PCSK5: variants seen among roughly 807,000 people sequenced by gnomAD.
The protein encoded by PCSK5 is proprotein convertase subtilisin/kexin type 5, also known as prohormone convertase 5.
PCSK5 carries 129 observed loss-of-function variants against 233.2 expected under a neutral mutation model. The observed-to-expected ratio is 0.55, with a 90% confidence interval of 0.48 to 0.64. PCSK5 has a LOEUF of 0.64. Ranked by LOEUF, PCSK5 falls within the 30% of genes least tolerant of loss-of-function variation. The pLI is 0.00. For synonymous variants in PCSK5, 825 were observed against 879.2 expected, an observed-to-expected ratio of 0.94 and a Z score of 1.09; for missense variants, 2,076 against 2,430.1, an observed-to-expected ratio of 0.85 and a Z score of 3.06.
At chr9:76,228,177 G>T (rs1046435958) in intron 21 of PCSK5, among the ~76,000 whole-genome samples, 2 of 152,036 alleles carry the variant, frequency 1.3e-5, no homozygotes, top group South Asian at 2.1e-4. Context: ...CACCATGTTG[G>T]CCATGGTGGG....
intron 24 of PCSK5, 108 bp from the exon 25 acceptor site, chr9:76,292,125 T>C (rs907994353): frequency 4.2e-6 from 3 of 717,106 alleles, no homozygotes; most frequent in Non-Finnish European, 7.5e-6. Context: ...GTACATTTCA[T>C]GAAACTATCC....
chr9:76,287,470 GT>G (rs1746562240), intron 24 of PCSK5: 2 of 155,470 alleles, frequency 1.3e-5, no homozygotes, highest in Non-Finnish European at 1.4e-5. Flanking sequence ...TTTTTTTGTT[GT>G]TTTTTTGAGA....
At chr9:76,321,316 G>A (rs1248439448) in intron 30 of PCSK5, 106 bp from the exon 31 acceptor site, 5 of 655,682 alleles carry the variant, frequency 7.6e-6, no homozygotes, top group African/African-American at 3.6e-5. Context: ...CTCAGCTGAC[G>A]ACAGCAGCAG....
intron 20 of PCSK5, among the ~76,000 whole-genome samples, chr9:76,216,980 A>G (rs576698424): frequency 6.6e-6 from 1 of 152,280 alleles, no homozygotes; most frequent in East Asian, 1.9e-4. Context: ...AGCTGGGACT[A>G]CAGGCATGCG....
intron 9 of PCSK5, among the ~76,000 whole-genome samples, chr9:76,121,679 T>G (rs1430251837): frequency 2.0e-5 from 3 of 152,124 alleles, no homozygotes; most frequent in Non-Finnish European, 4.4e-5. Flanking sequence ...ATTATGGAAT[T>G]TTGCAATTTG....
intron 25 of PCSK5, 54 bp downstream of exon 25, chr9:76,292,329 C>A: frequency 9.2e-7 from 1 of 1,087,790 alleles, no homozygotes; most frequent in Non-Finnish European, 1.4e-6. Context: ...TTAAGCATTA[C>A]TGACATAATC....
chr9:76,031,643 T>C (rs1239120771), intron 5 of PCSK5, among the ~76,000 whole-genome samples: 3 of 152,116 alleles, frequency 2.0e-5, no homozygotes, highest in African/African-American at 7.2e-5. Flanking sequence ...GAGCCAAGAT[T>C]GTGCCACTGC....
At chr9:75,928,618 T>TATATAA (rs1823623021) in intron 1 of PCSK5, among the ~76,000 whole-genome samples, 1 of 112,524 alleles carries the variant, frequency 8.9e-6, no homozygotes, top group Non-Finnish European at 1.8e-5. Flanking sequence ...TATATATATA[T>TATATAA]ATATATATAT....
intron 20 of PCSK5, among the ~76,000 whole-genome samples, chr9:76,213,730 T>C (rs1446232610): frequency 6.6e-6 from 1 of 152,180 alleles, no homozygotes; most frequent in African/African-American, 2.4e-5. Flanking sequence ...TTCCGTTATC[T>C]GTCTACATCC....
chr9:76,058,692 A>G (rs1191345346), intron 5 of PCSK5, among the ~76,000 whole-genome samples: 1 of 152,236 alleles, frequency 6.6e-6, no homozygotes, highest in Non-Finnish European at 1.5e-5. Flanking sequence ...AATTGACATG[A>G]AAACAGAAGG....
rs199557097 is a variant in PCSK5 at position 75,910,230 on chromosome 9, G to A, written c.192+18857G>A. On this transcript the variant is annotated intron_variant, in intron 1 of 37. Transcript: ENST00000674117. ...TGTAGACTAAGATATGTGGTGAAAG[G>A]AGAGAAAAAGATTGTGATACTCTGG... Among the ~76,000 whole-genome samples the A allele has an allele frequency of 2.0e-5, 3 of 152,136 alleles. No individual in the cohort carries two copies. In the East Asian group the frequency reaches 5.8e-4, roughly 29 times the overall value.
Position 76,351,460 on chromosome 9 carries a change from G to T in PCSK5, c.5067+532G>T, listed in dbSNP as rs372368789. ...ATGTGAAAGAAAGGAAAGAAAGAAA[G>T]AAAGAAAGAAAGAAAGAAAGAAAGA... is the stretch of plus-strand genomic sequence containing the variant. On this transcript the variant is annotated intron_variant, in intron 36 of 37. Transcript: ENST00000674117. 1.1e-4 allele frequency among the ~76,000 whole-genome samples: 4 copies of T among 35,490 alleles called. 1 individual carries two copies. The Admixed American group carries it at 1.6e-3, about 14-fold the overall frequency. The allele number at this position is 35,490 out of a possible 152,430, so 23.3% of individuals were successfully genotyped here.
In PCSK5 at chr9:76,162,308, AT is replaced by A. The variant is rs1201227336; in HGVS notation, c.1619+3139del. 2.0e-5 allele frequency among the ~76,000 whole-genome samples: 3 copies of A among 152,310 alleles called. No individual in the cohort carries two copies. In the East Asian group the frequency reaches 5.8e-4, roughly 29 times the overall value. On this transcript the variant is annotated intron_variant, in intron 12 of 37. Coordinates refer to ENST00000674117, the MANE Select transcript of PCSK5 (RefSeq NM_001372043.1). ...TTTTGGCACTCTATCCATCTGGAGT[AT>A]TCTGAAGCTTTCATTTCATTAGAGG...
chr9:76,107,722 A>G (rs1832037214), intron 9 of PCSK5, among the ~76,000 whole-genome samples: 1 of 152,180 alleles, frequency 6.6e-6, no homozygotes, highest in African/African-American at 2.4e-5. Flanking sequence ...CTGAAGCATG[A>G]CTAGGCAGCT....
chr9:75,925,329 T>C (rs1823437754), intron 1 of PCSK5, among the ~76,000 whole-genome samples: 1 of 152,212 alleles, frequency 6.6e-6, no homozygotes, highest in African/African-American at 2.4e-5. Flanking sequence ...CAGGAAACTT[T>C]CACTAAGGTT....
At position 76,239,126 on chromosome 9, in the gene PCSK5, C is replaced by T. The variant is rs758815478; in HGVS notation, c.3034C>T (p.Pro1012Ser). 59 of 1,597,656 alleles carry T rather than the reference C, an allele frequency of 3.7e-5. No homozygotes were observed. The highest frequency in any genetic ancestry group is 4.9e-5 in the Non-Finnish European group (57 of 1,172,594). ...ATGCATGAAGGGCTACTTCATAGCG[C>T]CCACCAACCACACATGCCAGAAGTT... is the stretch of plus-strand genomic sequence containing the variant. ...TRCMKGYFIAPTNHTCQKLEC... is the reference protein window; with the variant it reads ...TRCMKGYFIASTNHTCQKLEC... The change falls in exon 23 of 38, where the codon CCC becomes TCC. Residue 1012 changes from proline to serine, a missense_variant. Transcript: ENST00000674117.
chr9:76,314,705 C>G (rs1439970662), intron 30 of PCSK5, among the ~76,000 whole-genome samples: 1 of 152,088 alleles, frequency 6.6e-6, no homozygotes, highest in Non-Finnish European at 1.5e-5. Flanking sequence ...GGCGCGATCT[C>G]GGCTCACTGC....
At chr9:76,060,978 CAG>C (rs750253282) in intron 5 of PCSK5, among the ~76,000 whole-genome samples, 16 of 152,006 alleles carry the variant, frequency 1.1e-4, no homozygotes, top group Non-Finnish European at 1.8e-4. Context: ...CTAATATAAA[CAG>C]AGTATTTGAA....
intron 1 of PCSK5, among the ~76,000 whole-genome samples, chr9:75,903,995 G>A (rs769375110): frequency 1.3e-5 from 2 of 152,036 alleles, no homozygotes; most frequent in Non-Finnish European, 2.9e-5. Flanking sequence ...AAAATTGTAG[G>A]CCACTTAGGA....
Sources: gnomAD v4.1 joint callset for allele counts (sites outside exome capture counted in the v4.1 genomes callset) on GRCh38, gnomAD v4.1.1 for gene constraint, MANE v1.5 for transcripts, NCBI Gene and HGNC (gene_info 2026-07-23, HGNC 2026-07-21) for gene names.